GALNT5: variants seen among roughly 807,000 people sequenced by gnomAD.
The protein encoded by GALNT5 is polypeptide N-acetylgalactosaminyltransferase 5.
A neutral mutation model predicts 85.4 loss-of-function variants in GALNT5; 72 were observed. The observed-to-expected ratio is 0.84, with a 90% CI of 0.70 to 1.03. The LOEUF is 1.03. Among genes scored for constraint, GALNT5 ranks in the 50% least tolerant of loss-of-function variants. The pLI, the probability that GALNT5 is intolerant of heterozygous loss-of-function variation, is 0.00. For missense variants in GALNT5, 1,137 were observed against 1,135.5 expected (o/e 1.00, Z -0.02); for synonymous variants, 404 against 397.0 (o/e 1.02, Z -0.21).
chr2:157,296,372 T>C (rs1280701584), intron 4 of GALNT5, 22 bp from the exon 5 acceptor site: 1 of 1,589,692 alleles, frequency 6.3e-7, no homozygotes, highest in Non-Finnish European at 8.6e-7. Context: ...GATAACACTT[T>C]GTTTTTCATT....
chr2:157,271,041 G>A (rs372375166), intron 1 of GALNT5, among the ~76,000 whole-genome samples: 254 of 152,186 alleles, frequency 1.7e-3, no homozygotes, highest in African/African-American at 5.1e-3. Flanking sequence ...GCGTGAACCC[G>A]GGAGGCGGAG....
chr2:157,290,979 C>T (rs1683085503), intron 3 of GALNT5, among the ~76,000 whole-genome samples: 1 of 152,180 alleles, frequency 6.6e-6, no homozygotes, highest in Admixed American at 6.5e-5. Context: ...TAGGTCCAAT[C>T]AGTTGCTTGC....
chr2:157,296,069 C>A (rs1683207937), intron 4 of GALNT5, among the ~76,000 whole-genome samples: 1 of 152,116 alleles, frequency 6.6e-6, no homozygotes, highest in Admixed American at 6.5e-5. Context: ...TTTAGCTGAA[C>A]CCCAAATATT....
At chr2:157,278,582 C>A (rs1030768552) in intron 1 of GALNT5, among the ~76,000 whole-genome samples, 4 of 152,148 alleles carry the variant, frequency 2.6e-5, no homozygotes, top group South Asian at 2.1e-4. Context: ...ATCACTGATA[C>A]CCTTTCTTCC....
rs56372237 is a variant in GALNT5 at position 157,317,200 on chromosome 2, T to A, written c.*5852T>A. Among the ~76,000 whole-genome samples the A allele has an allele frequency of 0.12, 15,716 of 127,804 alleles. 822 individuals are homozygous for A. The highest frequency in any genetic ancestry group is 0.14 in the Middle Eastern group (32 of 226). 83.8% of individuals were successfully genotyped at this position (127,804 alleles called of 152,430 possible). On this transcript the variant is annotated 3_prime_UTR_variant, in exon 10 of 10. Coordinates refer to ENST00000259056, the MANE Select transcript of GALNT5 (RefSeq NM_014568.3). ...TATATATATATATATATATATATAT[T>A]TTTTTTTTTGATGCTTTGATCTGGA... is the stretch of plus-strand genomic sequence containing the variant.
chr2:157,308,889 A>G (rs2305965), intron 9 of GALNT5, among the ~76,000 whole-genome samples, 161 bp downstream of exon 9: 125,336 of 152,024 alleles, frequency 0.82, 52,726 homozygotes, highest in Non-Finnish European at 0.92. Flanking sequence ...ATATCTTTCG[A>G]AAGTTGACAA....
At chr2:157,263,191 C>T (rs905368719) in intron 1 of GALNT5, among the ~76,000 whole-genome samples, 1 of 148,686 alleles carries the variant, frequency 6.7e-6, no homozygotes, top group Non-Finnish European at 1.5e-5. Context: ...CTGTCCTTTT[C>T]TGTCTGCCCA....
intron 7 of GALNT5, among the ~76,000 whole-genome samples, chr2:157,304,111 C>G (rs970894724): frequency 6.6e-6 from 1 of 152,184 alleles, no homozygotes; most frequent in African/African-American, 2.4e-5. Context: ...GTACAGAGAG[C>G]AATTGCAGCA....
In GALNT5 at chr2:157,262,227, C is replaced by T. The variant is rs1295138611; in HGVS notation, c.1454+2691C>T. ...AAATGTAAAAAAAAAAAAAAAAAAG[C>T]GCACAGATTTGGTATAATCATTTAA... On this transcript the variant is annotated intron_variant, in intron 1 of 9. Coordinates refer to ENST00000259056, the MANE Select transcript of GALNT5 (RefSeq NM_014568.3). 4.2e-5 allele frequency among the ~76,000 whole-genome samples: 6 copies of T among 141,336 alleles called. No individual in the cohort carries two copies. The East Asian group carries it at 6.3e-4, about 15-fold the overall frequency. The allele number at this position is 141,336 out of a possible 152,430, so 92.7% of individuals were successfully genotyped here. A position where few individuals can be genotyped will look rare whatever the true frequency, so the allele number is the denominator to read the frequency against.
rs781558500 is a variant in GALNT5, at chr2:157,299,605, T to A, written c.2055T>A (p.Leu685=). The A allele has an allele frequency of 8.1e-6, 13 of 1,613,584 alleles. No homozygotes were observed. Among genetic ancestry groups the A allele is most frequent in the Non-Finnish European group, 6.8e-6 (8 of 1,179,486 alleles). The part of the protein sequence containing the change: ...FSIDKSYFFE[L]GTYDPGLDVW... ...TTGACAAAAGTTACTTTTTTGAACT[T>A]GGAACATACGACCCTGGCCTTGATG... Residue 685 remains leucine, a synonymous_variant, in exon 6 of 10, where the codon CTT becomes CTA. Coordinates refer to ENST00000259056, the MANE Select transcript of GALNT5 (RefSeq NM_014568.3).
chr2:157,293,693 T>C (rs1479083038), intron 3 of GALNT5, among the ~76,000 whole-genome samples: 2 of 152,180 alleles, frequency 1.3e-5, no homozygotes, highest in East Asian at 3.8e-4. Context: ...CACCAATACC[T>C]TGCCCTCATG....
Position 157,311,553 on chromosome 2 carries a change from A to T in GALNT5, c.*205A>T, listed in dbSNP as rs1208803217. On this transcript the variant is annotated 3_prime_UTR_variant, in exon 10 of 10. Transcript: ENST00000259056. ...CATTGGACTGAAGTCCTTCTTCGGA[A>T]CTGGGTGGCCTTTGAATTGCCTGCT... 2.2e-6 allele frequency: 1 copy of T among 453,244 alleles called. No homozygotes were observed. The highest frequency in any genetic ancestry group is 2.1e-5 in the African/African-American group (1 of 48,122). The allele number at this position is 453,244 out of a possible 1,614,324, so 28.1% of individuals were successfully genotyped here. A position where few individuals can be genotyped will look rare whatever the true frequency, so the allele number is the denominator to read the frequency against.
chr2:157,275,007 A>G (rs1574016935), intron 1 of GALNT5, among the ~76,000 whole-genome samples: 1 of 152,176 alleles, frequency 6.6e-6, no homozygotes. Flanking sequence ...TAATTTTTGT[A>G]TAAAGTGTAA....
At chr2:157,277,448 G>A (rs980578841) in intron 1 of GALNT5, among the ~76,000 whole-genome samples, 1 of 152,106 alleles carries the variant, frequency 6.6e-6, no homozygotes, top group African/African-American at 2.4e-5. Flanking sequence ...TTATTGTGTG[G>A]GAGTCTAAGT....
rs184829696 is a variant in GALNT5, at chr2:157,271,048, G to A, written c.1454+11512G>A. On this transcript the variant is annotated intron_variant, in intron 1 of 9. Coordinates refer to ENST00000259056, the MANE Select transcript of GALNT5 (RefSeq NM_014568.3). ...GGAGAATGGCGTGAACCCGGGAGGC[G>A]GAGCCTGCAGTGAGCAGTGATCACG... 4.5e-3 allele frequency among the ~76,000 whole-genome samples: 684 copies of A among 152,088 alleles called. 10 individuals carry two copies. Among genetic ancestry groups the A allele is most frequent in the African/African-American group, 0.015 (632 of 41,470 alleles).
chr2:157,288,074 G>A (rs890877813), intron 3 of GALNT5, among the ~76,000 whole-genome samples: 1 of 152,160 alleles, frequency 6.6e-6, no homozygotes, highest in Non-Finnish European at 1.5e-5. Flanking sequence ...GAGGCCTCTA[G>A]ACATTTAGCC....
chr2:157,262,238 G>A (rs1194430196), intron 1 of GALNT5, among the ~76,000 whole-genome samples: 1 of 148,622 alleles, frequency 6.7e-6, no homozygotes, highest in Non-Finnish European at 1.5e-5. Context: ...GCACAGATTT[G>A]GTATAATCAT....
chr2:157,303,375 A>G (rs1683388830), intron 7 of GALNT5, among the ~76,000 whole-genome samples: 1 of 152,244 alleles, frequency 6.6e-6, no homozygotes, highest in Admixed American at 6.5e-5. Context: ...TTTACACTGG[A>G]TTAAACCGCT....
intron 1 of GALNT5, among the ~76,000 whole-genome samples, chr2:157,262,445 T>G (rs1383746974): frequency 6.6e-6 from 1 of 152,106 alleles, no homozygotes; most frequent in Non-Finnish European, 1.5e-5. Context: ...GAGATCAGCC[T>G]GGGCAATATA....
Sources: allele counts gnomAD v4.1 joint callset (sites outside exome capture counted in the v4.1 genomes callset), GRCh38; gene constraint gnomAD v4.1.1; transcripts MANE v1.5; gene names NCBI Gene and HGNC (gene_info 2026-07-23, HGNC 2026-07-21).